FANCA: variants seen among roughly 807,000 people sequenced by gnomAD.
FANCA encodes FA complementation group A, also known as Fanconi anemia group A protein.
In FANCA, 236 loss-of-function variants were observed where a neutral mutation model predicts 194.3. That is an observed-to-expected ratio of 1.21 (90% confidence interval 1.09 to 1.35). The LOEUF (loss-of-function observed/expected upper bound fraction) is 1.35, where lower values mean the gene tolerates loss of function less well. FANCA is among the 40% of genes most tolerant of loss of function. FANCA has a pLI of 0.00. For synonymous variants in FANCA, 1,014 were observed against 715.8 expected, an observed-to-expected ratio of 1.42 and a Z score of -6.65; for missense variants, 2,628 against 1,813.9, an observed-to-expected ratio of 1.45 and a Z score of -8.15.
Position 89,738,920 on chromosome 16 carries a change from G to A in FANCA, c.4222C>T (p.Pro1408Ser), listed in dbSNP as rs767206558. 1.2e-6 allele frequency: 2 copies of A among 1,614,148 alleles called. No homozygotes were observed. Among genetic ancestry groups the A allele is most frequent in the Non-Finnish European group, 1.7e-6 (2 of 1,180,060 alleles). ...GAGAAGCTCTTTTTCGGGCACCGAG[G>A]TATTAACTGCAGCAGAAAAAGACGA... ...KARLFLLQLI[P>S]RCPKKSFSHV... Residue 1408 changes from proline (P) to serine (S), a missense_variant, in exon 42 of 43, where the codon CCT (proline) becomes TCT (serine). Transcript: ENST00000389301.
At chr16:89,788,518 C>G (rs1440723342) in intron 14 of FANCA, among the ~76,000 whole-genome samples, 2 of 152,168 alleles carry the variant, frequency 1.3e-5, no homozygotes, top group African/African-American at 2.4e-5. Context: ...ATCTAACTAT[C>G]TGGACATGGT....
chr16:89,806,223 C>A (rs897766008), intron 6 of FANCA, among the ~76,000 whole-genome samples: 1 of 152,088 alleles, frequency 6.6e-6, no homozygotes. Context: ...TTGGCCTGAA[C>A]CTTATGCTGT....
At chr16:89,816,189 C>T (rs1471985571) in intron 1 of FANCA, 2 of 607,736 alleles carry the variant, frequency 3.3e-6, no homozygotes, top group Admixed American at 2.4e-5. Flanking sequence ...CCCAGGAGGG[C>T]CCGAGGCAGG....
In FANCA at chr16:89,737,812, G is replaced by A. The variant is rs750573426; in HGVS notation, c.*789C>T. On this transcript the variant is annotated 3_prime_UTR_variant, in exon 43 of 43. Coordinates refer to ENST00000389301, the MANE Select transcript of FANCA (RefSeq NM_000135.4). ...CTGGACTCTCCCCTCTCAGAGGTGC[G>A]GAACTATATCTGTGACGAATGTGGA... The A allele has an allele frequency of 2.5e-6, 4 of 1,614,146 alleles. No homozygotes were observed. The highest frequency in any genetic ancestry group is 3.4e-6 in the Non-Finnish European group (4 of 1,180,028).
At chr16:89,797,812 T>C (rs969369876) in intron 10 of FANCA, among the ~76,000 whole-genome samples, 1 of 151,898 alleles carries the variant, frequency 6.6e-6, no homozygotes, top group African/African-American at 2.4e-5. Context: ...GAAGAATTGA[T>C]TGAACCTGGG....
rs1289505609 is a variant in FANCA at position 89,750,501 on chromosome 16, A to AAAAAAAAAAC, written c.3067-600_3067-599insGTTTTTTTTT. Among the ~76,000 whole-genome samples the AAAAAAAAAAC allele has an allele frequency of 3.8e-4, 56 of 145,650 alleles. 2 individuals carry two copies. Among genetic ancestry groups the AAAAAAAAAAC allele is most frequent in the East Asian group, 9.0e-4 (4 of 4,466 alleles). On this transcript the variant is annotated intron_variant, in intron 31 of 42. Transcript: ENST00000389301. ...CCGTCTCAAAAAAAAACAAACAAAA[A>AAAAAAAAAAC]AAAACAGCCAGGTATGGTGGCTCAC...
intron 14 of FANCA, 76 bp from the exon 15 acceptor site, chr16:89,785,040 A>G (rs2039851486): frequency 1.9e-6 from 2 of 1,059,078 alleles, no homozygotes; most frequent in Non-Finnish European, 1.5e-6. Context: ...CTGTGTGGAG[A>G]GAAGAGCGTG....
Position 89,770,638 on chromosome 16 carries a change from CAG to C in FANCA, c.2152-6_2152-5del, listed in dbSNP as rs1312765663. On this transcript the variant is annotated splice_polypyrimidine_tract_variant and splice_region_variant and intron_variant, in intron 23 of 42. Coordinates refer to ENST00000389301, the MANE Select transcript of FANCA (RefSeq NM_000135.4). ...ACGTCAGCAGGAGGTCCACAGCCTG[CAG>C]AGACACAGTTCTCATGAGCGTGGTG... 1.2e-6 allele frequency: 2 copies of C among 1,606,008 alleles called. No individual in the cohort carries two copies. The highest frequency in any genetic ancestry group is 1.7e-6 in the Non-Finnish European group (2 of 1,176,006).
intron 31 of FANCA, among the ~76,000 whole-genome samples, 174 bp from the exon 32 acceptor site, chr16:89,750,076 G>A (rs1431994656): frequency 1.3e-5 from 2 of 152,232 alleles, no homozygotes; most frequent in Non-Finnish European, 2.9e-5. Flanking sequence ...ATATAGAACA[G>A]TGCAGGCCGG....
intron 33 of FANCA, 49 bp downstream of exon 33, chr16:89,748,610 G>T: frequency 2.1e-6 from 3 of 1,425,128 alleles, no homozygotes; most frequent in Non-Finnish European, 3.0e-6. Context: ...TGCTGTTAGC[G>T]CCACAGGCAC....
In FANCA at chr16:89,792,139, C is replaced by T. The variant is rs536155232; in HGVS notation, c.1084-71G>A. 5 of 1,592,280 alleles carry T rather than the reference C, an allele frequency of 3.1e-6. No homozygotes were observed. In the African/African-American group the frequency reaches 5.4e-5, roughly 17 times the overall value. On this transcript the variant is annotated intron_variant, in intron 12 of 42. Coordinates refer to ENST00000389301, the MANE Select transcript of FANCA (RefSeq NM_000135.4). ...GTGCGACAGATGACCCCTCACCTTC[C>T]TCCCAGCCGGTGGCCACCGCAGCCC... is the stretch of plus-strand genomic sequence containing the variant.
At position 89,737,924 on chromosome 16, in the gene FANCA, C is replaced by T. The variant is rs776104378; in HGVS notation, c.*677G>A. 2.9e-5 allele frequency: 45 copies of T among 1,571,024 alleles called. No individual in the cohort carries two copies. The highest frequency in any genetic ancestry group is 3.5e-5 in the Non-Finnish European group (41 of 1,169,060). ...CTTTGCAGTAAGTGTGAGTCAGGAC[C>T]CCCTCCCAGGGCTGTGGCCCTCGCA... is the stretch of plus-strand genomic sequence containing the variant. On this transcript the variant is annotated 3_prime_UTR_variant, in exon 43 of 43. Transcript: ENST00000389301.
chr16:89,792,438 C>G (rs376739506), intron 12 of FANCA, 33 bp downstream of exon 12: 2 of 1,604,150 alleles, frequency 1.2e-6, no homozygotes, highest in Non-Finnish European at 1.7e-6. Context: ...CCGCCACGAG[C>G]TCAGAAGCAG....
At chr16:89,775,113 G>A (rs553143000) in intron 21 of FANCA, among the ~76,000 whole-genome samples, 28 of 151,640 alleles carry the variant, frequency 1.8e-4, no homozygotes, top group Non-Finnish European at 3.4e-4. Flanking sequence ...CCACAGGGAA[G>A]CAGCAGCCTC....
intron 28 of FANCA, among the ~76,000 whole-genome samples, chr16:89,763,148 G>C (rs1169981765): frequency 1.3e-5 from 2 of 151,884 alleles, no homozygotes; most frequent in African/African-American, 2.4e-5. Flanking sequence ...TTGGGAGGCC[G>C]AGTCAGGAGA....
intron 29 of FANCA, among the ~76,000 whole-genome samples, chr16:89,759,176 C>T (rs1172522609): frequency 1.3e-4 from 20 of 151,464 alleles, no homozygotes; most frequent in Admixed American, 2.6e-4. Flanking sequence ...AAAAATTAGC[C>T]GGGCGTGGTG....
chr16:89,816,062 C>A (rs776795918), intron 1 of FANCA, 76 bp from the exon 2 acceptor site: 2 of 1,129,562 alleles, frequency 1.8e-6, no homozygotes, highest in African/African-American at 3.0e-5. Flanking sequence ...CGCAGGTGGA[C>A]GCCGCGGAGA....
chr16:89,763,487 C>T (rs12447465), intron 28 of FANCA, among the ~76,000 whole-genome samples: 79,048 of 151,576 alleles, frequency 0.52, 22,718 homozygotes, highest in East Asian at 0.98. Flanking sequence ...CCTTGAAATT[C>T]TTTTCTAAAG....
intron 3 of FANCA, among the ~76,000 whole-genome samples, chr16:89,813,681 C>T (rs546338662): frequency 6.6e-6 from 1 of 152,230 alleles, no homozygotes; most frequent in African/African-American, 2.4e-5. Flanking sequence ...GATCCGCACA[C>T]CTCAGCCTCC....
Sources: gnomAD v4.1 joint callset for allele counts (sites outside exome capture counted in the v4.1 genomes callset) on GRCh38, gnomAD v4.1.1 for gene constraint, MANE v1.5 for transcripts, NCBI Gene and HGNC (gene_info 2026-07-23, HGNC 2026-07-21) for gene names.